The following FGF13 variants were observed in gnomAD, a reference collection of about 807,000 sequenced individuals.
FGF13 encodes fibroblast growth factor 13.
A neutral mutation model predicts 19.5 loss-of-function variants in FGF13; 2 were observed. That is an observed-to-expected ratio of 0.10 (90% CI 0.04 to 0.32). The LOEUF (loss-of-function observed/expected upper bound fraction) is 0.32, where lower values mean the gene tolerates loss of function less well. Ranked by LOEUF, FGF13 falls within the 10% of genes least tolerant of loss-of-function variation. The pLI is 1.00. For missense variants in FGF13, 113 were observed against 192.7 expected (o/e 0.59, Z 2.45); for synonymous variants, 72 against 76.9 (o/e 0.94, Z 0.33).
At chrX:139,028,485 T>G (rs2124390364) in intron 1 of FGF13, among the ~76,000 whole-genome samples, 1 of 111,228 alleles carries the variant, frequency 9.0e-6, no homozygotes, top group East Asian at 2.9e-4. Flanking sequence ...GACTGAATGA[T>G]GATGGTCCAA....
chrX:139,111,216 T>C (rs2083598769), intron 1 of FGF13, among the ~76,000 whole-genome samples: 1 of 111,530 alleles, frequency 9.0e-6, no homozygotes, highest in Non-Finnish European at 1.9e-5. Flanking sequence ...CAGGCGACCA[T>C]GAGGAGAAGC....
intron 3 of FGF13, among the ~76,000 whole-genome samples, chrX:138,798,933 GTTTA>G (rs1289591228): frequency 9.0e-6 from 1 of 111,008 alleles, no homozygotes; most frequent in Non-Finnish European, 1.9e-5. Flanking sequence ...ATTTTTTTGT[GTTTA>G]TTTGATTCTT....
chrX:138,965,281 T>C (rs2091890562), intron 1 of FGF13, among the ~76,000 whole-genome samples: 1 of 112,411 alleles, frequency 8.9e-6, no homozygotes, highest in African/African-American at 3.2e-5. Context: ...TCCTACACTT[T>C]CTATCATGTG....
chrX:138,875,994 G>GTA (rs2091386941), intron 1 of FGF13, among the ~76,000 whole-genome samples: 1 of 93,991 alleles, frequency 1.1e-5, no homozygotes, highest in Non-Finnish European at 2.1e-5. Context: ...CTATCGGCTT[G>GTA]TACACACACA....
intron 1 of FGF13, among the ~76,000 whole-genome samples, chrX:139,052,414 C>T (rs1176215115): frequency 8.9e-6 from 1 of 111,973 alleles, no homozygotes; most frequent in Non-Finnish European, 1.9e-5. Context: ...ACATTATTAA[C>T]TGGAGAAAAA....
intron 1 of FGF13, among the ~76,000 whole-genome samples, chrX:138,904,575 G>A (rs2091547931): frequency 9.0e-6 from 1 of 111,370 alleles, no homozygotes; most frequent in South Asian, 3.8e-4. Flanking sequence ...TCTGGTGGTG[G>A]ACAGCATTAG....
intron 1 of FGF13, among the ~76,000 whole-genome samples, chrX:139,099,393 A>AAAAAAAAG (rs1331974079): frequency 1.8e-5 from 2 of 108,626 alleles, no homozygotes; most frequent in Non-Finnish European, 3.8e-5. Flanking sequence ...AAAAAAAAAA[A>AAAAAAAAG]AAAAAGAAAG....
upstream of FGF13, chrX:139,205,017 G>C (rs1440484655): frequency 8.9e-6 from 1 of 112,313 alleles, no homozygotes; most frequent in Non-Finnish European, 1.9e-5. Flanking sequence ...CGGTCCTAGA[G>C]AGCCACGAAT....
At chrX:139,146,361 A>G (rs2083889183) in intron 1 of FGF13, among the ~76,000 whole-genome samples, 1 of 112,649 alleles carries the variant, frequency 8.9e-6, no homozygotes, top group African/African-American at 3.2e-5. Context: ...CAAAAGACAC[A>G]TGAAAAAATG....
chrX:138,817,810 C>T (rs774197297), intron 3 of FGF13, among the ~76,000 whole-genome samples: 3 of 112,190 alleles, frequency 2.7e-5, no homozygotes, highest in Non-Finnish European at 5.6e-5. Context: ...ACAACAAGGC[C>T]TGGCAAACTT....
At chrX:139,058,808 G>A (rs185373162) in intron 1 of FGF13, among the ~76,000 whole-genome samples, 3 of 111,258 alleles carry the variant, frequency 2.7e-5, no homozygotes, top group Non-Finnish European at 5.7e-5. Context: ...TTTCGTATAT[G>A]CAGAGGAGAT....
At chrX:139,009,444 C>G (rs148575569) in intron 1 of FGF13, among the ~76,000 whole-genome samples, 2 of 111,741 alleles carry the variant, frequency 1.8e-5, no homozygotes, top group Non-Finnish European at 3.8e-5. Context: ...ATCAGATGAA[C>G]GCAGATTTCT....
chrX:139,054,125 T>A (rs2124415568), intron 1 of FGF13, among the ~76,000 whole-genome samples: 1 of 85,849 alleles, frequency 1.2e-5, no homozygotes, highest in African/African-American at 4.4e-5. Flanking sequence ...GCCTTTTTTT[T>A]TTTTTTTTTT....
chrX:138,811,078 A>T (rs189006973), intron 3 of FGF13, among the ~76,000 whole-genome samples: 60 of 112,342 alleles, frequency 5.3e-4, no homozygotes, highest in African/African-American at 1.9e-3. Context: ...CATTTGACGC[A>T]GCCATCCCAT....
chrX:138,891,600 G>T (rs780232418), intron 1 of FGF13, among the ~76,000 whole-genome samples: 1 of 111,716 alleles, frequency 9.0e-6, no homozygotes, highest in African/African-American at 3.3e-5. Flanking sequence ...AACACATTCA[G>T]TCCATGTGAT....
intron 3 of FGF13, among the ~76,000 whole-genome samples, chrX:138,808,086 CG>C (rs1328666214): frequency 9.0e-6 from 1 of 111,421 alleles, no homozygotes; most frequent in East Asian, 2.8e-4. Flanking sequence ...CTGCACCAAG[CG>C]GACCTAATAG....
chrX:138,870,812 T>C (rs1470894661), intron 1 of FGF13, among the ~76,000 whole-genome samples: 1 of 111,951 alleles, frequency 8.9e-6, no homozygotes, highest in Non-Finnish European at 1.9e-5. Flanking sequence ...TGCCAAAGAG[T>C]ACACATAGTC....
intron 3 of FGF13, among the ~76,000 whole-genome samples, chrX:138,651,995 T>C (rs901131319): frequency 8.9e-6 from 1 of 111,800 alleles, no homozygotes; most frequent in Admixed American, 9.5e-5. Context: ...CCAATAGCTT[T>C]TCATTTCACT....
intron 3 of FGF13, among the ~76,000 whole-genome samples, chrX:138,687,731 C>T (rs757701584): frequency 1.7e-4 from 19 of 111,520 alleles, no homozygotes; most frequent in African/African-American, 6.2e-4. Flanking sequence ...TCACAATAGC[C>T]GTGATATGGA....
Sources: gnomAD v4.1 joint callset for allele counts (sites outside exome capture counted in the v4.1 genomes callset) on GRCh38, gnomAD v4.1.1 for gene constraint, MANE v1.5 for transcripts, NCBI Gene and HGNC (gene_info 2026-07-23, HGNC 2026-07-21) for gene names.